Variants in ST8SIA4 observed in about 807,000 individuals in gnomAD.
ST8SIA4 encodes the protein CMP-N-acetylneuraminate-poly-alpha-2,8-sialyltransferase.
ST8SIA4 carries 15 observed loss-of-function variants against 33.9 expected under a neutral mutation model. That is an observed-to-expected ratio of 0.44 (90% CI 0.30 to 0.68). The LOEUF is 0.68. Ranked by LOEUF, ST8SIA4 falls within the 30% of genes least tolerant of loss-of-function variation. The pLI is 0.10. For synonymous variants in ST8SIA4, 171 were observed against 151.2 expected (o/e 1.13, Z -0.96); for missense variants, 321 against 428.0 (o/e 0.75, Z 2.21).
rs181047412 is a variant in ST8SIA4, at chr5:100,885,360, T to C, written c.503+983A>G. ...TTTGCTATTATGAATTTTCTTCACT[T>C]GATAATGCTTGAGTGTGATTTCTCA... On this transcript the variant is annotated intron_variant, in intron 3 of 4. Coordinates refer to ENST00000231461, the MANE Select transcript of ST8SIA4 (RefSeq NM_005668.6). The C allele has an allele frequency of 7.9e-5, 76 of 963,980 alleles. No individual in the cohort carries two copies. The African/African-American group carries it at 1.2e-3, about 16-fold the overall frequency. 59.7% of individuals were successfully genotyped at this position (963,980 alleles called of 1,614,324 possible).
chr5:100,890,444 G>A (rs1752636470), intron 2 of ST8SIA4: 1 of 151,842 alleles, frequency 6.6e-6, no homozygotes. Flanking sequence ...AGAAATTTTT[G>A]TTTAACAGCA....
At chr5:100,836,656 A>C (rs1437868602) in intron 4 of ST8SIA4, among the ~76,000 whole-genome samples, 1 of 152,092 alleles carries the variant, frequency 6.6e-6, no homozygotes, top group Non-Finnish European at 1.5e-5. Context: ...GGCAAATTAA[A>C]GATATCATTT....
chr5:100,858,749 T>C (rs2112442962), intron 3 of ST8SIA4, among the ~76,000 whole-genome samples: 1 of 152,220 alleles, frequency 6.6e-6, no homozygotes, highest in Admixed American at 6.5e-5. Flanking sequence ...AATTAATGAA[T>C]GCTAAATGAG....
At chr5:100,833,942 A>G (rs1751312269) in intron 4 of ST8SIA4, among the ~76,000 whole-genome samples, 1 of 152,150 alleles carries the variant, frequency 6.6e-6, no homozygotes, top group Non-Finnish European at 1.5e-5. Flanking sequence ...ATCTAATTCA[A>G]ATGTGCATCC....
At chr5:100,823,336 A>C (rs1008577493) in intron 4 of ST8SIA4, among the ~76,000 whole-genome samples, 1 of 152,226 alleles carries the variant, frequency 6.6e-6, no homozygotes, top group Non-Finnish European at 1.5e-5. Flanking sequence ...ACATATAATC[A>C]AGAAATAAAC....
intron 1 of ST8SIA4, among the ~76,000 whole-genome samples, chr5:100,896,378 T>C (rs1299326654): frequency 1.3e-5 from 2 of 152,092 alleles, no homozygotes; most frequent in South Asian, 2.1e-4. Flanking sequence ...ATCGCACTTA[T>C]ATATTGATTC....
intron 4 of ST8SIA4, among the ~76,000 whole-genome samples, chr5:100,840,253 T>C (rs1369631942): frequency 6.6e-6 from 1 of 151,854 alleles, no homozygotes; most frequent in African/African-American, 2.4e-5. Context: ...AAGATTGTAG[T>C]GCTATTTTAA....
chr5:100,879,721 G>A (rs1028620341), intron 3 of ST8SIA4, among the ~76,000 whole-genome samples: 1 of 152,118 alleles, frequency 6.6e-6, no homozygotes, highest in Admixed American at 6.6e-5. Flanking sequence ...ATGTTAATAC[G>A]AGAAAACAAA....
rs553739428 is a variant in ST8SIA4, at chr5:100,863,863, G to A, written c.504-7467C>T. Among the ~76,000 whole-genome samples the A allele has an allele frequency of 7.2e-5, 11 of 152,308 alleles. No individual in the cohort carries two copies. In the East Asian group the frequency reaches 2.1e-3, roughly 29 times the overall value. ...CCCAGGACTTCAGCTACGGACAAGT[G>A]GTAAGGACGGCTCTGTCTTACACTG... is the stretch of plus-strand genomic sequence containing the variant. On this transcript the variant is annotated intron_variant, in intron 3 of 4. Coordinates refer to ENST00000231461, the MANE Select transcript of ST8SIA4 (RefSeq NM_005668.6).
intron 2 of ST8SIA4, among the ~76,000 whole-genome samples, chr5:100,889,554 C>T (rs1480471265): frequency 6.6e-6 from 1 of 151,914 alleles, no homozygotes; most frequent in Admixed American, 6.6e-5. Context: ...CAACTAACGT[C>T]AAAATGGACT....
intron 3 of ST8SIA4, among the ~76,000 whole-genome samples, chr5:100,864,981 C>G (rs1258566844): frequency 6.6e-6 from 1 of 152,124 alleles, no homozygotes; most frequent in Non-Finnish European, 1.5e-5. Context: ...TCTGGCTTAA[C>G]TTAGAAAAAG....
In ST8SIA4 at chr5:100,843,510, C is replaced by T. The variant is rs117870952; in HGVS notation, c.797+12593G>A. Among the ~76,000 whole-genome samples the T allele has an allele frequency of 4.6e-4, 70 of 151,906 alleles. 1 individual carries two copies. In the East Asian group the frequency reaches 6.8e-3, roughly 15 times the overall value. On this transcript the variant is annotated intron_variant, in intron 4 of 4. Transcript: ENST00000231461. ...ACTGAGTTCTTAAGATGCTAGCATT[C>T]GACTTGTATTCTCACCAGGAAAACT...
chr5:100,856,437 A>T, intron 3 of ST8SIA4, 41 bp from the exon 4 acceptor site: 1 of 1,528,450 alleles, frequency 6.5e-7, no homozygotes, highest in Non-Finnish European at 8.9e-7. Flanking sequence ...AAAAAAAAAG[A>T]AATATTCACT....
intron 4 of ST8SIA4, among the ~76,000 whole-genome samples, chr5:100,832,650 G>A (rs1751286705): frequency 6.6e-6 from 1 of 151,296 alleles, no homozygotes; most frequent in Non-Finnish European, 1.5e-5. Context: ...TTTTTCATTA[G>A]TCTGCCTTAG....
chr5:100,863,159 G>C (rs953839637), intron 3 of ST8SIA4, among the ~76,000 whole-genome samples: 1 of 152,094 alleles, frequency 6.6e-6, no homozygotes, highest in Non-Finnish European at 1.5e-5. Context: ...CTCCCAGGTA[G>C]GAATATACAG....
chr5:100,885,564 A>G, intron 3 of ST8SIA4: 1 of 930,786 alleles, frequency 1.1e-6, no homozygotes, highest in South Asian at 4.9e-5. Flanking sequence ...ACTATTTCAT[A>G]TTTCAATATC....
intron 3 of ST8SIA4, among the ~76,000 whole-genome samples, chr5:100,880,796 T>C (rs557890768): frequency 4.6e-5 from 7 of 152,286 alleles, no homozygotes; most frequent in African/African-American, 1.4e-4. Flanking sequence ...GGTGATATAA[T>C]GCTAAGAAGA....
At chr5:100,870,337 T>C (rs1752172159) in intron 3 of ST8SIA4, among the ~76,000 whole-genome samples, 2 of 152,170 alleles carry the variant, frequency 1.3e-5, no homozygotes, top group South Asian at 4.1e-4. Flanking sequence ...TGCTTACTGG[T>C]CCCATTGCTT....
chr5:100,885,773 C>A (rs1752523461), intron 3 of ST8SIA4: 3 of 924,562 alleles, frequency 3.2e-6, no homozygotes, highest in Non-Finnish European at 3.9e-6. Context: ...TAATGAAAAA[C>A]AAACATGCAC....
Sources: allele counts gnomAD v4.1 joint callset (sites outside exome capture counted in the v4.1 genomes callset), GRCh38; gene constraint gnomAD v4.1.1; transcripts MANE v1.5; gene names NCBI Gene and HGNC (gene_info 2026-07-23, HGNC 2026-07-21).